Variants in IGSF5 observed in about 807,000 individuals in gnomAD.
IGSF5 encodes the protein immunoglobulin superfamily member 5.
In IGSF5, 41 loss-of-function variants were observed where a neutral mutation model predicts 39.4. The observed-to-expected ratio is 1.04, with a 90% CI of 0.81 to 1.35. IGSF5 has a LOEUF of 1.35. Among genes scored for constraint, IGSF5 ranks in the 40% most tolerant of loss-of-function variants. The pLI, the probability that IGSF5 is intolerant of heterozygous loss-of-function variation, is 0.00. For synonymous variants in IGSF5, 183 were observed against 175.3 expected, an observed-to-expected ratio of 1.04 and a Z score of -0.34; for missense variants, 487 against 494.6, an observed-to-expected ratio of 0.98 and a Z score of 0.15.
chr21:39,786,789 T>C (rs995702798), intron 5 of IGSF5, among the ~76,000 whole-genome samples: 3 of 152,168 alleles, frequency 2.0e-5, no homozygotes, highest in Admixed American at 6.5e-5. Flanking sequence ...TAAAAAATGG[T>C]GAGTTCATGT....
chr21:39,786,200 C>T (rs1375262020), intron 5 of IGSF5, among the ~76,000 whole-genome samples: 1 of 151,998 alleles, frequency 6.6e-6, no homozygotes. Context: ...ATTTTTGCAA[C>T]CTGCTCATCT....
At chr21:39,778,960 T>C in intron 4 of IGSF5, 130 bp from the exon 5 acceptor site, 2 of 1,049,638 alleles carry the variant, frequency 1.9e-6, no homozygotes, top group Non-Finnish European at 1.4e-6. Context: ...AAACTTGGCC[T>C]ATGACGCCTA....
intron 5 of IGSF5, among the ~76,000 whole-genome samples, chr21:39,781,770 A>G (rs902669849): frequency 6.6e-6 from 1 of 152,174 alleles, no homozygotes; most frequent in Non-Finnish European, 1.5e-5. Context: ...GATTGAGAAC[A>G]ATTTTTATAT....
the IGSF5 span, among the ~76,000 whole-genome samples, chr21:39,720,450 C>A: frequency 1.3e-5 from 2 of 152,226 alleles, no homozygotes; most frequent in Non-Finnish European, 2.9e-5. Flanking sequence ...TTCCCATATA[C>A]TCCATACCCA....
At chr21:39,747,337 A>G (rs950750501) in intron 2 of IGSF5, among the ~76,000 whole-genome samples, 1 of 152,208 alleles carries the variant, frequency 6.6e-6, no homozygotes, top group Non-Finnish European at 1.5e-5. Context: ...TGATTCAGTT[A>G]TCTCCCACCA....
At chr21:39,741,089 GT>G (rs368054506), upstream of IGSF5, among the ~76,000 whole-genome samples, 2,535 of 147,762 alleles carry the variant, frequency 0.017, 31 homozygotes, top group Non-Finnish European at 0.027. Context: ...AGCTATTCAT[GT>G]TTTTTTTTTT....
intron 5 of IGSF5, among the ~76,000 whole-genome samples, chr21:39,784,202 G>A (rs2080185475): frequency 6.6e-6 from 1 of 152,178 alleles, no homozygotes; most frequent in African/African-American, 2.4e-5. Flanking sequence ...TGCCCCAGAT[G>A]GGTTACTCAA....
chr21:39,758,035 C>T (rs957523875), intron 2 of IGSF5, among the ~76,000 whole-genome samples: 4 of 152,168 alleles, frequency 2.6e-5, no homozygotes, highest in Non-Finnish European at 5.9e-5. Context: ...GGGTTGTTGC[C>T]TGCTTGCTTT....
intron 2 of IGSF5, among the ~76,000 whole-genome samples, chr21:39,749,881 C>T (rs1005630608): frequency 6.6e-6 from 1 of 152,192 alleles, no homozygotes; most frequent in Non-Finnish European, 1.5e-5. Context: ...ATCAGATACA[C>T]ATTTGTCTCA....
At chr21:39,737,184 A>G in the IGSF5 span, among the ~76,000 whole-genome samples, 2 of 141,564 alleles carry the variant, frequency 1.4e-5, no homozygotes, top group Admixed American at 7.1e-5. Flanking sequence ...GTTCGTGTGA[A>G]AAAAAAAAAA....
At chr21:39,765,412 C>A in intron 2 of IGSF5, 123 bp from the exon 3 acceptor site, 1 of 815,706 alleles carries the variant, frequency 1.2e-6, no homozygotes, top group Non-Finnish European at 1.9e-6. Flanking sequence ...TCAAAAGACA[C>A]AGTCTGAGTC....
intron 5 of IGSF5, 34 bp downstream of exon 5, chr21:39,779,339 T>G: frequency 6.3e-7 from 1 of 1,596,692 alleles, no homozygotes; most frequent in Non-Finnish European, 8.6e-7. Flanking sequence ...TTGTACATAC[T>G]TCTGAACTTT....
chr21:39,787,995 T>C (rs907749866), intron 5 of IGSF5, among the ~76,000 whole-genome samples, 172 bp from the exon 6 acceptor site: 2 of 152,228 alleles, frequency 1.3e-5, no homozygotes, highest in African/African-American at 2.4e-5. Context: ...TCTACTTTCC[T>C]ATGCTGGGAA....
At chr21:39,725,289 G>T in the IGSF5 span, among the ~76,000 whole-genome samples, 1 of 152,194 alleles carries the variant, frequency 6.6e-6, no homozygotes, top group Non-Finnish European at 1.5e-5. Flanking sequence ...GTAAAACGTG[G>T]CTAATGTAGG....
intron 8 of IGSF5, among the ~76,000 whole-genome samples, chr21:39,795,094 A>G (rs1000871269): frequency 6.6e-6 from 1 of 152,202 alleles, no homozygotes; most frequent in Non-Finnish European, 1.5e-5. Context: ...TGCCTGAGTA[A>G]CAAATCGTTA....
At chr21:39,725,850 A>C in the IGSF5 span, 1 of 152,222 alleles carries the variant, frequency 6.6e-6, no homozygotes, top group South Asian at 2.1e-4. Context: ...ATCAAGTTAA[A>C]GAATAATCCT....
chr21:39,758,706 G>T (rs1202715774), intron 2 of IGSF5, among the ~76,000 whole-genome samples: 1 of 152,172 alleles, frequency 6.6e-6, no homozygotes, highest in Non-Finnish European at 1.5e-5. Flanking sequence ...AAGGCATAGT[G>T]TATAGTCTAT....
At position 39,765,526 on chromosome 21, in the gene IGSF5, A is replaced by G; in HGVS notation, c.101-9A>G. 6.2e-7 allele frequency: 1 copy of G among 1,604,852 alleles called. No individual in the cohort carries two copies. Among genetic ancestry groups the G allele is most frequent in the Middle Eastern group, 1.7e-4 (1 of 6,018 alleles). On this transcript the variant is annotated splice_polypyrimidine_tract_variant and intron_variant, in intron 2 of 8. Coordinates refer to ENST00000380588, the MANE Select transcript of IGSF5 (RefSeq NM_001080444.2). ...CATTTAACAACTTGAAAAATTGGCT[A>G]CCTTCCAGGTTCTGGGTCTGGTAAT...
rs149030694 is a variant in IGSF5 at position 39,765,653 on chromosome 21, C to T, written c.219C>T (p.Leu73=). Residue 73 remains leucine, a synonymous_variant, in exon 3 of 9, where the codon CTC becomes CTT. Transcript: ENST00000380588. ...SQGWKLIMWA[L]SDMVVLSVRP... ...GCTGGAAGCTCATCATGTGGGCTCTCAGTGACATGGTGGTGCTAAGCGTCA... is the reference window on the plus strand; with the variant it reads ...GCTGGAAGCTCATCATGTGGGCTCTTAGTGACATGGTGGTGCTAAGCGTCA... 235 of 1,614,038 alleles carry T rather than the reference C, an allele frequency of 1.5e-4. 2 individuals carry two copies. The highest frequency in any genetic ancestry group is 1.9e-4 in the Non-Finnish European group (220 of 1,180,044).
Sources: allele counts gnomAD v4.1 joint callset (sites outside exome capture counted in the v4.1 genomes callset), GRCh38; gene constraint gnomAD v4.1.1; transcripts MANE v1.5; gene names NCBI Gene and HGNC (gene_info 2026-07-23, HGNC 2026-07-21).